The following XRCC5 variants were observed in gnomAD, a reference collection of about 807,000 sequenced individuals.
XRCC5 encodes DNA repair protein Ku80.
A neutral mutation model predicts 95.7 loss-of-function variants in XRCC5; 12 were observed. The observed-to-expected ratio is 0.13, with a 90% confidence interval of 0.08 to 0.20. The LOEUF (loss-of-function observed/expected upper bound fraction) is 0.20. Among genes scored for constraint, XRCC5 ranks in the 10% least tolerant of loss-of-function variants. The probability of loss-of-function intolerance (pLI) is 1.00; values close to 1 mark genes in which losing one functional copy is unlikely to be tolerated. For synonymous variants in XRCC5, 281 were observed against 290.3 expected (o/e 0.97, Z 0.33); for missense variants, 595 against 873.9 (o/e 0.68, Z 4.02).
At chr2:216,200,120 C>T (rs1689808442) in intron 19 of XRCC5, among the ~76,000 whole-genome samples, 1 of 152,074 alleles carries the variant, frequency 6.6e-6, no homozygotes. Context: ...GACTGGAATC[C>T]AGACCCCCAG....
intron 19 of XRCC5, among the ~76,000 whole-genome samples, chr2:216,197,737 A>G (rs1689755818): frequency 6.6e-6 from 1 of 152,210 alleles, no homozygotes; most frequent in African/African-American, 2.4e-5. Flanking sequence ...GCACTTTGAT[A>G]TATATTATCT....
At chr2:216,190,198 A>G in intron 16 of XRCC5, 27 bp from the exon 17 acceptor site, 1 of 1,600,992 alleles carries the variant, frequency 6.2e-7, no homozygotes, top group Non-Finnish European at 8.6e-7. Context: ...ACTCAAATCT[A>G]AGAAAATTTG....
At chr2:216,158,201 A>C (rs1040853942) in intron 14 of XRCC5, among the ~76,000 whole-genome samples, 3 of 152,194 alleles carry the variant, frequency 2.0e-5, no homozygotes, top group African/African-American at 7.2e-5. Flanking sequence ...ACTACTATAT[A>C]AGCTAATCTG....
In XRCC5 at chr2:216,116,860, G is replaced by C. The variant is rs372465042; in HGVS notation, c.319+18G>C. 1 of 1,609,884 alleles carries C rather than the reference G, an allele frequency of 6.2e-7. No homozygotes were observed. The highest frequency in any genetic ancestry group is 8.5e-7 in the Non-Finnish European group (1 of 1,177,206). On this transcript the variant is annotated intron_variant, in intron 3 of 20. Coordinates refer to ENST00000392132, the MANE Select transcript of XRCC5 (RefSeq NM_021141.4). ...GGCTGACTGTATCCTTTTTCTGCCAGAGAAGACTTTAAGAAATTTCCTTTA... is the reference window on the plus strand; with the variant it reads ...GGCTGACTGTATCCTTTTTCTGCCACAGAAGACTTTAAGAAATTTCCTTTA...
At chr2:216,115,561 G>T (rs528686858) in intron 2 of XRCC5, among the ~76,000 whole-genome samples, 7 of 152,250 alleles carry the variant, frequency 4.6e-5, no homozygotes, top group African/African-American at 1.7e-4. Context: ...CAGACTAAAG[G>T]ATTAAACAGA....
At chr2:216,200,291 A>G (rs917952127) in intron 19 of XRCC5, among the ~76,000 whole-genome samples, 2 of 152,196 alleles carry the variant, frequency 1.3e-5, no homozygotes, top group Non-Finnish European at 2.9e-5. Flanking sequence ...GAATTCTCCA[A>G]AGCTTAGTGA....
chr2:216,119,635 T>G (rs575987176), intron 5 of XRCC5, among the ~76,000 whole-genome samples: 5 of 152,320 alleles, frequency 3.3e-5, no homozygotes, highest in African/African-American at 1.2e-4. Flanking sequence ...CATAACATGT[T>G]TATGTTTAAC....
intron 16 of XRCC5, among the ~76,000 whole-genome samples, chr2:216,172,490 A>G (rs1448842517): frequency 3.8e-4 from 10 of 26,000 alleles, no homozygotes; most frequent in Non-Finnish European, 5.1e-4. Context: ...TTTTTTTGAG[A>G]CAAAGTCTCA....
chr2:216,192,496 A>G, intron 17 of XRCC5, 143 bp from the exon 18 acceptor site: 1 of 482,084 alleles, frequency 2.1e-6, no homozygotes, highest in South Asian at 5.4e-5. Context: ...TTGGAATGCC[A>G]GCTTCCCATG....
intron 9 of XRCC5, 138 bp downstream of exon 9, chr2:216,131,125 G>A: frequency 7.1e-7 from 1 of 1,416,232 alleles, no homozygotes; most frequent in East Asian, 2.6e-5. Context: ...GGTTAATGTT[G>A]CCATGGTATG....
chr2:216,129,702 C>T (rs1449624694), intron 8 of XRCC5, among the ~76,000 whole-genome samples: 1 of 152,232 alleles, frequency 6.6e-6, no homozygotes, highest in Non-Finnish European at 1.5e-5. Flanking sequence ...GAGACGGAGT[C>T]TTGCTCTGTC....
intron 16 of XRCC5, among the ~76,000 whole-genome samples, chr2:216,170,629 G>C (rs1307618024): frequency 1.3e-5 from 2 of 152,136 alleles, no homozygotes; most frequent in African/African-American, 4.8e-5. Context: ...TATGAGATTT[G>C]GGCGGGACAC....
chr2:216,112,091 A>G (rs1043390301), intron 1 of XRCC5, among the ~76,000 whole-genome samples: 8 of 152,252 alleles, frequency 5.3e-5, no homozygotes, highest in African/African-American at 1.2e-4. Context: ...GTTGCCATCA[A>G]TCCAGGTCTC....
chr2:216,162,794 T>G (rs751840668), intron 16 of XRCC5, among the ~76,000 whole-genome samples: 9 of 152,184 alleles, frequency 5.9e-5, no homozygotes, highest in Non-Finnish European at 7.3e-5. Flanking sequence ...CCCCTAAATT[T>G]AATCCTTCTC....
At chr2:216,109,541 G>T (rs774272004) in intron 1 of XRCC5, 84 bp downstream of exon 1, 2 of 1,580,390 alleles carry the variant, frequency 1.3e-6, no homozygotes, top group Non-Finnish European at 1.7e-6. Flanking sequence ...GTGGGATCGC[G>T]GTCAAGACAA....
intron 14 of XRCC5, among the ~76,000 whole-genome samples, chr2:216,155,219 T>C (rs1215031408): frequency 4.0e-4 from 44 of 109,456 alleles, no homozygotes; most frequent in Admixed American, 3.4e-3. Context: ...TTGGGCAACA[T>C]AGTGAGACTC....
intron 8 of XRCC5, among the ~76,000 whole-genome samples, chr2:216,130,276 A>G (rs1169965495): frequency 1.4e-5 from 2 of 146,938 alleles, no homozygotes; most frequent in Non-Finnish European, 3.0e-5. Context: ...GCCTATGTTT[A>G]TATAAATATC....
chr2:216,183,778 T>C (rs1428429488), intron 16 of XRCC5, among the ~76,000 whole-genome samples: 4 of 152,212 alleles, frequency 2.6e-5, no homozygotes, highest in African/African-American at 9.6e-5. Context: ...CAGAGCTATG[T>C]CTGCTTCTCA....
At chr2:216,112,198 A>G (rs765101653) in intron 1 of XRCC5, among the ~76,000 whole-genome samples, 1 of 152,202 alleles carries the variant, frequency 6.6e-6, no homozygotes, top group Non-Finnish European at 1.5e-5. Flanking sequence ...TTAGTCTCCT[A>G]CATACGTGAT....
Sources: gnomAD v4.1 joint callset for allele counts (sites outside exome capture counted in the v4.1 genomes callset) on GRCh38, gnomAD v4.1.1 for gene constraint, MANE v1.5 for transcripts, NCBI Gene and HGNC (gene_info 2026-07-23, HGNC 2026-07-21) for gene names.